DUSP14: variants seen among roughly 807,000 people sequenced by gnomAD.
DUSP14 encodes dual specificity protein phosphatase 14.
In DUSP14, 5 loss-of-function variants were observed where a neutral mutation model predicts 13.2. That is an observed-to-expected ratio of 0.38 (90% CI 0.20 to 0.80). The LOEUF is 0.80. DUSP14 is among the 30% of genes least tolerant of loss of function. The probability of loss-of-function intolerance (pLI) is 0.44; values close to 1 mark genes in which losing one functional copy is unlikely to be tolerated. For synonymous variants in DUSP14, 91 were observed against 103.4 expected (o/e 0.88, Z 0.73); for missense variants, 185 against 264.0 (o/e 0.70, Z 2.07).
At chr17:37,509,404 ACCT>A (rs750284580) in intron 1 of DUSP14, among the ~76,000 whole-genome samples, 3 of 144,652 alleles carry the variant, frequency 2.1e-5, no homozygotes, top group Non-Finnish European at 4.5e-5. Context: ...TGCAACCTCC[ACCT>A]CCTCCTGGGT....
At position 37,512,769 on chromosome 17, in the gene DUSP14, T is replaced by G. The variant is rs1277336580; in HGVS notation, c.497T>G (p.Phe166Cys). The G allele has an allele frequency of 6.2e-7, 1 of 1,613,714 alleles. No individual in the cohort carries two copies. The highest frequency in any genetic ancestry group is 1.3e-5 in the African/African-American group (1 of 74,934). ...CTGATAGACTACGAGCGCCAGCTCT[T>G]TGGGAAGTCGACAGTTAAAATGGTA... is the stretch of plus-strand genomic sequence containing the variant. ...RQLIDYERQL[F>C]GKSTVKMVQT... The change falls in exon 3 of 3, where the codon TTT (phenylalanine) becomes TGT (cysteine). Residue 166 changes from phenylalanine (F) to cysteine (C), a missense_variant. By Grantham distance (205) the Phe-to-Cys change is radical. Transcript: ENST00000617516. This position sits in a 1 kb window ranked among gnomAD's most constrained non-coding sequence, Gnocchi z 4.8.
chr17:37,503,191 G>A (rs1295259112), intron 1 of DUSP14, among the ~76,000 whole-genome samples: 7 of 152,166 alleles, frequency 4.6e-5, no homozygotes, highest in Non-Finnish European at 1.0e-4. Context: ...TTGGGAGGCC[G>A]AGGTAGGTAG....
chr17:37,502,516 C>G (rs2054112071), intron 1 of DUSP14, among the ~76,000 whole-genome samples: 1 of 152,026 alleles, frequency 6.6e-6, no homozygotes. Flanking sequence ...CTCACAGATT[C>G]CTGTAGGTCA....
In DUSP14 at chr17:37,513,026, AG is replaced by A. The variant is rs1469269785; in HGVS notation, c.*161del. On this transcript the variant is annotated 3_prime_UTR_variant, in exon 3 of 3. Transcript: ENST00000617516. The stretch of plus-strand genomic sequence containing the variant: ...AATTTATTTTAAGAGATAGGGAGGG[AG>A]GGGACATAAAGGGAATGCATACATT... The A allele has an allele frequency of 3.1e-6, 2 of 648,352 alleles. No individual in the cohort carries two copies. The highest frequency in any genetic ancestry group is 5.6e-5 in the Admixed American group (2 of 35,420). 40.2% of individuals were successfully genotyped at this position (648,352 alleles called of 1,614,324 possible). A position where few individuals can be genotyped will look rare whatever the true frequency, so the allele number is the denominator to read the frequency against.
intron 1 of DUSP14, among the ~76,000 whole-genome samples, chr17:37,493,941 A>G (rs912378668): frequency 2.0e-5 from 3 of 152,060 alleles, no homozygotes; most frequent in African/African-American, 7.2e-5. Context: ...ACTTCTTGGC[A>G]ATTCCAAAGT....
chr17:37,493,163 A>G (rs2054040538), intron 1 of DUSP14, among the ~76,000 whole-genome samples: 1 of 152,124 alleles, frequency 6.6e-6, no homozygotes, highest in South Asian at 2.1e-4. Context: ...AGGTCTCACT[A>G]TATTGCCCAG....
chr17:37,512,151 A>G lies in DUSP14; in HGVS notation c.-92-30A>G, dbSNP rs184247384. On this transcript the variant is annotated intron_variant, in intron 2 of 2. Transcript: ENST00000617516. This position sits in a 1 kb window ranked among gnomAD's most constrained non-coding sequence, Gnocchi z 4.8. ...AGGCTGTGATGAATCAGTAGCATTT[A>G]AAGTACTGACACATACCTGTATTTT... is the stretch of plus-strand genomic sequence containing the variant. 1.6e-5 allele frequency: 12 copies of G among 755,462 alleles called. No homozygotes were observed. The Admixed American group carries it at 2.8e-4, about 17-fold the overall frequency. The allele number at this position is 755,462 out of a possible 1,614,324, so 46.8% of individuals were successfully genotyped here. A position where few individuals can be genotyped will look rare whatever the true frequency, so the allele number is the denominator to read the frequency against.
At chr17:37,495,100 GAGC>G (rs1034311273) in intron 1 of DUSP14, among the ~76,000 whole-genome samples, 9 of 152,300 alleles carry the variant, frequency 5.9e-5, no homozygotes, top group African/African-American at 2.2e-4. Flanking sequence ...GATGGGGGAG[GAGC>G]CCTGTCGTGT....
chr17:37,505,770 C>G (rs912159798), intron 1 of DUSP14, among the ~76,000 whole-genome samples: 1 of 151,804 alleles, frequency 6.6e-6, no homozygotes, highest in African/African-American at 2.4e-5. Context: ...GATGCCAGTG[C>G]TGACCACAAG....
rs2054212084 is a variant in DUSP14 at position 37,513,348 on chromosome 17, A to ATTAT, written c.*483_*486dup. ...AGCCCTACTCTTTCCTTTCCCCTCC[A>ATTAT]TTATTTAGTGACTCTGTAAGTAAGT... On this transcript the variant is annotated 3_prime_UTR_variant, in exon 3 of 3. Transcript: ENST00000617516. 1 of 172,404 alleles carries ATTAT rather than the reference A, an allele frequency of 5.8e-6. No homozygotes were observed. The highest frequency in any genetic ancestry group is 6.5e-5 in the Admixed American group (1 of 15,456). The allele number at this position is 172,404 out of a possible 1,614,324, so 10.7% of individuals were successfully genotyped here.
chr17:37,511,938 C>CGTTTTTTTTTTTTTTTTTT (rs1568206074), intron 2 of DUSP14, among the ~76,000 whole-genome samples: 16 of 38,254 alleles, frequency 4.2e-4, no homozygotes, highest in Admixed American at 9.5e-4. Flanking sequence ...CCCCACCCCA[C>CGTTTTTTTTTTTTTTTTTT]TTTTTTTTTT....
rs1179759284 is a variant in DUSP14 at position 37,512,452 on chromosome 17, C to G, written c.180C>G (p.Thr60=). The part of the protein sequence containing the change: ...ARGITCIVNA[T]IEIPNFNWPQ... ...GCATCACCTGCATTGTTAATGCTAC[C>G]ATTGAGATCCCTAATTTCAACTGGC... Residue 60 remains threonine, a synonymous_variant, in exon 3 of 3, where the codon ACC becomes ACG. Transcript: ENST00000617516. The surrounding 1 kb of genome is among the most constrained non-coding windows in gnomAD (Gnocchi z 4.8). 1.9e-6 allele frequency: 3 copies of G among 1,614,048 alleles called. No individual in the cohort carries two copies. In the African/African-American group the frequency reaches 4.0e-5, roughly 22 times the overall value.
chr17:37,495,677 T>TTTTTTTC, intron 1 of DUSP14, among the ~76,000 whole-genome samples: 1 of 152,222 alleles, frequency 6.6e-6, no homozygotes, highest in East Asian at 1.9e-4. Flanking sequence ...TGTTTTTTTT[T>TTTTTTTC]TGAGACGGAG....
At chr17:37,496,896 A>G (rs1404883579) in intron 1 of DUSP14, among the ~76,000 whole-genome samples, 1 of 148,218 alleles carries the variant, frequency 6.7e-6, no homozygotes, top group African/African-American at 2.5e-5. Context: ...AGCCTGGGCA[A>G]CAGAGTAAGA....
At position 37,513,021 on chromosome 17, in the gene DUSP14, G is replaced by A. The variant is rs2054205104; in HGVS notation, c.*152G>A. The A allele has an allele frequency of 1.5e-6, 1 of 659,742 alleles. No homozygotes were observed. The highest frequency in any genetic ancestry group is 2.7e-6 in the Non-Finnish European group (1 of 374,588). 40.9% of individuals were successfully genotyped at this position (659,742 alleles called of 1,614,324 possible). A position where few individuals can be genotyped will look rare whatever the true frequency, so the allele number is the denominator to read the frequency against. On this transcript the variant is annotated 3_prime_UTR_variant, in exon 3 of 3. Coordinates refer to ENST00000617516, the MANE Select transcript of DUSP14 (RefSeq NM_007026.4). ...GTTCAAATTTATTTTAAGAGATAGG[G>A]AGGGAGGGGACATAAAGGGAATGCA...
At chr17:37,511,937 A>ATTTTTTTTTTTTTTTTTTTT (rs1329764853) in intron 2 of DUSP14, among the ~76,000 whole-genome samples, 3 of 16,436 alleles carry the variant, frequency 1.8e-4, no homozygotes, top group Non-Finnish European at 2.3e-4. Flanking sequence ...CCCCCACCCC[A>ATTTTTTTTTTTTTTTTTTTT]CTTTTTTTTT....
chr17:37,512,817 C>T lies in DUSP14; in HGVS notation c.545C>T (p.Pro182Leu), dbSNP rs1472759014. The change falls in exon 3 of 3, where the codon CCC becomes CTC. Residue 182 changes from proline (P) to leucine (L), a missense_variant. Physicochemically the swap from Pro to Leu is moderately conservative, Grantham distance 98. Coordinates refer to ENST00000617516, the MANE Select transcript of DUSP14 (RefSeq NM_007026.4). The surrounding 1 kb of genome is among the most constrained non-coding windows in gnomAD (Gnocchi z 4.8). ...GTACAGACACCTTATGGCATAGTTCCCGACGTCTATGAGAAGGAGTCCCGA... is the reference window on the plus strand; with the variant it reads ...GTACAGACACCTTATGGCATAGTTCTCGACGTCTATGAGAAGGAGTCCCGA... ...KMVQTPYGIVPDVYEKESRHL... is the reference protein window; with the variant it reads ...KMVQTPYGIVLDVYEKESRHL... 1 of 1,612,316 alleles carries T rather than the reference C, an allele frequency of 6.2e-7. No homozygotes were observed. The highest frequency in any genetic ancestry group is 1.3e-5 in the African/African-American group (1 of 75,018).
chr17:37,497,960 C>T (rs1003418393), intron 1 of DUSP14, among the ~76,000 whole-genome samples: 2 of 151,526 alleles, frequency 1.3e-5, no homozygotes, highest in Admixed American at 6.6e-5. Flanking sequence ...GTGGGAGGAT[C>T]GCTTGAGTCC....
At chr17:37,508,448 A>G (rs1255390066) in intron 1 of DUSP14, among the ~76,000 whole-genome samples, 2 of 152,066 alleles carry the variant, frequency 1.3e-5, no homozygotes, top group Non-Finnish European at 2.9e-5. Context: ...ATAGTTGTAA[A>G]TGGAGCCAGG....
Sources: gnomAD v4.1 joint callset for allele counts (sites outside exome capture counted in the v4.1 genomes callset) on GRCh38, gnomAD v4.1.1 for gene constraint, Gnocchi (gnomAD v3.1) non-coding constraint, MANE v1.5 for transcripts, NCBI Gene and HGNC (gene_info 2026-07-23, HGNC 2026-07-21) for gene names.